Variants in ARHGEF11 observed in about 807,000 individuals in gnomAD.
ARHGEF11 encodes the protein Rho guanine nucleotide exchange factor 11, also known as Rho guanine exchange factor (GEF) 11.
In ARHGEF11, 55 loss-of-function variants were observed where a neutral mutation model predicts 193.7. The observed-to-expected ratio is 0.28, with a 90% confidence interval of 0.23 to 0.36. ARHGEF11 has a LOEUF of 0.36. ARHGEF11 is among the 10% of genes least tolerant of loss of function. The pLI is 1.00. For synonymous variants in ARHGEF11, 693 were observed against 768.0 expected (o/e 0.90, Z 1.62); for missense variants, 1,723 against 2,005.6 (o/e 0.86, Z 2.69).
chr1:156,980,611 T>C (rs1263270613), intron 3 of ARHGEF11, 125 bp from the exon 4 acceptor site: 13 of 1,085,006 alleles, frequency 1.2e-5, no homozygotes, highest in Admixed American at 2.0e-5. Context: ...GTATCTCAAA[T>C]TCTGGGTGTA....
Position 156,936,825 on chromosome 1 carries a change from G to A in ARHGEF11, c.4621C>T (p.Pro1541Ser). 6.2e-7 allele frequency: 1 copy of A among 1,613,758 alleles called. No individual in the cohort carries two copies. Among genetic ancestry groups the A allele is most frequent in the Non-Finnish European group, 8.5e-7 (1 of 1,179,840 alleles). Reference protein sequence around the residue: ...SRNSHELGPCPEDGSDAPLED... With the variant: ...SRNSHELGPCSEDGSDAPLED... ...ACCTGGCTTCACTCACCATCCTCAG[G>A]GCAGGGCCCCAGTTCATGGCTGTTC... The change falls in exon 40 of 41, where the codon CCT (proline) becomes TCT (serine). Residue 1541 changes from proline to serine, a missense_variant. Physicochemically the swap from Pro to Ser is moderately conservative, Grantham distance 74 (BLOSUM62 -1). Transcript: ENST00000368194.
At chr1:156,942,594 G>A in intron 33 of ARHGEF11, 96 bp downstream of exon 33, 1 of 1,121,154 alleles carries the variant, frequency 8.9e-7, no homozygotes, top group Non-Finnish European at 1.3e-6. Flanking sequence ...GACTGCTTTG[G>A]GGCCCAAACC....
rs775335617 is a variant in ARHGEF11, at chr1:156,969,982, G to A, written c.748+16C>T. 3 of 1,613,716 alleles carry A rather than the reference G, an allele frequency of 1.9e-6. No individual in the cohort carries two copies. Among genetic ancestry groups the A allele is most frequent in the Non-Finnish European group, 2.5e-6 (3 of 1,179,634 alleles). On this transcript the variant is annotated intron_variant, in intron 9 of 40. Coordinates refer to ENST00000368194, the MANE Select transcript of ARHGEF11 (RefSeq NM_198236.3). ...TAGAGATATGCCAGAGAAAAAAGGG[G>A]TGATGGGGGACTTACCTTCTGATGG...
chr1:156,943,964 T>C lies in ARHGEF11; in HGVS notation c.3206A>G (p.Asn1069Ser). 2 of 1,614,048 alleles carry C rather than the reference T, an allele frequency of 1.2e-6. No individual in the cohort carries two copies. Among genetic ancestry groups the C allele is most frequent in the Non-Finnish European group, 8.5e-7 (1 of 1,179,946 alleles). The change falls in exon 32 of 41, where the codon AAT (asparagine) becomes AGT (serine). Residue 1069 changes from asparagine (N) to serine (S), a missense_variant. Physicochemically the swap from Asn to Ser is conservative, Grantham distance 46. This residue lies in a region of ARHGEF11 where 23 missense variants were observed against 58.7 expected (regional missense o/e 0.39). Transcript: ENST00000368194. ...GGCCACAGAGCGGATGAGCACAGCA[T>C]TGAGCTTGAGCACGGGGCTGAAGGT... The part of the protein sequence containing the change: ...KQTFSPVLKL[N>S]AVLIRSVATD...
intron 18 of ARHGEF11, 143 bp from the exon 19 acceptor site, chr1:156,956,707 T>G (rs1660012474): frequency 2.3e-6 from 3 of 1,291,334 alleles, no homozygotes; most frequent in Non-Finnish European, 2.1e-6. Flanking sequence ...AATAATTAAA[T>G]GGGACAGCAG....
At chr1:156,968,208 C>T (rs1332619669) in intron 10 of ARHGEF11, 84 bp from the exon 11 acceptor site, 19 of 1,475,488 alleles carry the variant, frequency 1.3e-5, no homozygotes, top group Middle Eastern at 1.8e-4. Context: ...GTGGTGATAA[C>T]CATACTTATA....
chr1:156,989,132 G>A lies in ARHGEF11; in HGVS notation c.33-2959C>T, dbSNP rs945506. Among the ~76,000 whole-genome samples the A allele has an allele frequency of 6.1e-3, 922 of 152,142 alleles. 9 individuals carry two copies. The highest frequency in any genetic ancestry group is 0.021 in the African/African-American group (857 of 41,502). ...GATTCTGCTCAGCCTAAACCTGGGG[G>A]TATGGAGGCGGCCCTGAGGAGTGGA... On this transcript the variant is annotated intron_variant, in intron 1 of 40. Coordinates refer to ENST00000368194, the MANE Select transcript of ARHGEF11 (RefSeq NM_198236.3).
At chr1:156,992,688 A>G (rs1331221742) in intron 1 of ARHGEF11, among the ~76,000 whole-genome samples, 2 of 152,240 alleles carry the variant, frequency 1.3e-5, no homozygotes, top group African/African-American at 4.8e-5. Context: ...TTGAAAGGTC[A>G]GTCAGAAGTT....
chr1:157,012,305 T>C lies in ARHGEF11; in HGVS notation c.33-26132A>G, dbSNP rs530656590. 2.6e-5 allele frequency among the ~76,000 whole-genome samples: 4 copies of C among 152,224 alleles called. No homozygotes were observed. The South Asian group carries it at 8.3e-4, about 32-fold the overall frequency. On this transcript the variant is annotated intron_variant, in intron 1 of 40. Transcript: ENST00000368194. ...CAAATTCATAGAGACAGAGAGTAGA[T>C]TAATGGCTAACTGGGGCAGGGATGA...
chr1:156,988,575 G>C (rs944316282), intron 1 of ARHGEF11, among the ~76,000 whole-genome samples: 8 of 152,180 alleles, frequency 5.3e-5, no homozygotes, highest in African/African-American at 1.9e-4. Flanking sequence ...ATCTGAACCT[G>C]AGAACCTGAT....
chr1:156,939,876 CAGG>C lies in ARHGEF11; in HGVS notation c.3765_3767del (p.Ser1255_Leu1256delinsArg). 1 of 1,608,624 alleles carries C rather than the reference CAGG, an allele frequency of 6.2e-7. No individual in the cohort carries two copies. The highest frequency in any genetic ancestry group is 8.5e-7 in the Non-Finnish European group (1 of 1,179,854). On this transcript the variant is annotated inframe_deletion, in exon 37 of 41. Transcript: ENST00000368194. ...GAGTTTCCATGGTGTGACCTGGCAG[CAGG>C]CTCCACAGGATCAGATGTCGCAGGT...
chr1:156,963,876 A>G (rs1485658981), intron 11 of ARHGEF11: 1 of 823,560 alleles, frequency 1.2e-6, no homozygotes, highest in Non-Finnish European at 1.6e-6. Context: ...TCCTGTTTGC[A>G]AAAGATCTGG....
chr1:157,023,070 C>A (rs779886423), intron 1 of ARHGEF11, among the ~76,000 whole-genome samples: 1 of 152,102 alleles, frequency 6.6e-6, no homozygotes, highest in Non-Finnish European at 1.5e-5. Flanking sequence ...AGTAAATCTT[C>A]GTGACTTTTG....
rs1334074410 is a variant in ARHGEF11, at chr1:156,936,013, G to A, written c.4676C>T (p.Ser1559Leu). 1 of 1,613,542 alleles carries A rather than the reference G, an allele frequency of 6.2e-7. No homozygotes were observed. Among genetic ancestry groups the A allele is most frequent in the Non-Finnish European group, 8.5e-7 (1 of 1,179,788 alleles). Reference protein sequence around the residue: ...LEDSTADAAASPGP With the variant: ...LEDSTADAAALPGP The stretch of plus-strand genomic sequence containing the variant: ...TGGTTTGTACGGTTATGGTCCTGGT[G>A]ACGCGGCTGCGTCTGCTGTGCTGTC... The change falls in exon 41 of 41, where the codon TCA becomes TTA. Residue 1559 changes from serine (S) to leucine (L), a missense_variant. Ser to Leu is a moderately radical substitution (Grantham distance 145). Coordinates refer to ENST00000368194, the MANE Select transcript of ARHGEF11 (RefSeq NM_198236.3).
At chr1:157,014,974 C>G (rs1669029405) in intron 1 of ARHGEF11, among the ~76,000 whole-genome samples, 1 of 152,166 alleles carries the variant, frequency 6.6e-6, no homozygotes, top group Non-Finnish European at 1.5e-5. Flanking sequence ...ATGGAACTCT[C>G]TAGGGGACAA....
chr1:156,962,752 G>A (rs1055706782), intron 13 of ARHGEF11, among the ~76,000 whole-genome samples: 31 of 151,918 alleles, frequency 2.0e-4, no homozygotes, highest in Admixed American at 8.5e-4. Flanking sequence ...GGTGACGGGC[G>A]CCTGTAGTCC....
At position 156,990,123 on chromosome 1, in the gene ARHGEF11, C is replaced by A. The variant is rs150238473; in HGVS notation, c.33-3950G>T. Among the ~76,000 whole-genome samples the A allele has an allele frequency of 1.2e-3, 178 of 152,304 alleles. 3 individuals carry two copies. In the East Asian group the frequency reaches 0.025, roughly 22 times the overall value. ...CAAAGATCTCGAATTATACTTACGT[C>A]CTGTCTCTCAGATTAATTTGATCTA... On this transcript the variant is annotated intron_variant, in intron 1 of 40. Coordinates refer to ENST00000368194, the MANE Select transcript of ARHGEF11 (RefSeq NM_198236.3).
chr1:156,936,264 A>G, intron 40 of ARHGEF11: 3 of 750,246 alleles, frequency 4.0e-6, no homozygotes, highest in Non-Finnish European at 5.0e-6. Context: ...TCAGGTAGGT[A>G]TGTGCCTTGT....
At chr1:157,006,737 G>C (rs1358766940) in intron 1 of ARHGEF11, among the ~76,000 whole-genome samples, 1 of 152,176 alleles carries the variant, frequency 6.6e-6, no homozygotes, top group Non-Finnish European at 1.5e-5. Context: ...ACCATCTGCT[G>C]GCACCTCCTT....
Sources: gnomAD v4.1 joint callset for allele counts (sites outside exome capture counted in the v4.1 genomes callset) on GRCh38, gnomAD v4.1.1 for gene constraint, gnomAD v4.1.1 regional missense constraint, MANE v1.5 for transcripts, NCBI Gene and HGNC (gene_info 2026-07-23, HGNC 2026-07-21) for gene names.